Variants in ASIC2 observed in about 807,000 individuals in gnomAD.
ASIC2 encodes the protein acid-sensing ion channel 2.
In ASIC2, 25 loss-of-function variants were observed where a neutral mutation model predicts 57.3. That is an observed-to-expected ratio of 0.44 (90% CI 0.32 to 0.61). ASIC2 has a LOEUF of 0.61. Ranked by LOEUF, ASIC2 falls within the 20% of genes least tolerant of loss-of-function variation. The pLI is 0.06. For synonymous variants in ASIC2, 319 were observed against 307.5 expected, an observed-to-expected ratio of 1.04 and a Z score of -0.39; for missense variants, 641 against 738.1, an observed-to-expected ratio of 0.87 and a Z score of 1.52.
chr17:34,041,673 TCCC>T (rs906909387), intron 1 of ASIC2, among the ~76,000 whole-genome samples: 1 of 152,116 alleles, frequency 6.6e-6, no homozygotes, highest in Non-Finnish European at 1.5e-5. Flanking sequence ...AGTTAGTTCT[TCCC>T]CCCTCTCAGT....
chr17:33,773,655 TG>T (rs1243986242), intron 1 of ASIC2, among the ~76,000 whole-genome samples: 3 of 97,292 alleles, frequency 3.1e-5, no homozygotes, highest in African/African-American at 6.2e-5. Context: ...TTAGTCTCTC[TG>T]TTTTTTTTTT....
At chr17:33,592,627 G>A (rs565435551) in intron 1 of ASIC2, among the ~76,000 whole-genome samples, 10 of 152,332 alleles carry the variant, frequency 6.6e-5, no homozygotes, top group South Asian at 6.2e-4. Context: ...CTCTGTGTAC[G>A]TGGTGAGTAA....
At chr17:33,537,162 G>C (rs181902366) in intron 1 of ASIC2, among the ~76,000 whole-genome samples, 184 of 152,200 alleles carry the variant, frequency 1.2e-3, no homozygotes, top group African/African-American at 4.1e-3. Context: ...TTCTGACTCA[G>C]CCTCTGCCAC....
intron 1 of ASIC2, among the ~76,000 whole-genome samples, chr17:33,512,673 T>G (rs1914462263): frequency 6.6e-6 from 1 of 152,204 alleles, no homozygotes; most frequent in South Asian, 2.1e-4. Flanking sequence ...AGCTTGAAGC[T>G]GCTCCAGGCT....
At chr17:33,556,196 G>C (rs898987427) in intron 1 of ASIC2, among the ~76,000 whole-genome samples, 2 of 152,180 alleles carry the variant, frequency 1.3e-5, no homozygotes, top group African/African-American at 4.8e-5. Flanking sequence ...CCACCCTAAG[G>C]CTATCAACCC....
chr17:33,394,215 G>A (rs1909996641), intron 1 of ASIC2, among the ~76,000 whole-genome samples: 1 of 152,218 alleles, frequency 6.6e-6, no homozygotes, highest in Non-Finnish European at 1.5e-5. Context: ...TCATCCCTGG[G>A]GGAGCCCAGT....
intron 1 of ASIC2, among the ~76,000 whole-genome samples, chr17:34,034,990 T>C (rs1373108031): frequency 6.6e-6 from 1 of 151,878 alleles, no homozygotes; most frequent in Non-Finnish European, 1.5e-5. Flanking sequence ...AATGACTTTC[T>C]TCACAGAATT....
intron 1 of ASIC2, among the ~76,000 whole-genome samples, chr17:33,892,506 C>T (rs994032634): frequency 1.3e-4 from 20 of 152,146 alleles, no homozygotes; most frequent in African/African-American, 4.3e-4. Flanking sequence ...CTACTTTCTC[C>T]TTGAAATAAT....
intron 1 of ASIC2, among the ~76,000 whole-genome samples, chr17:33,737,417 G>T (rs564312874): frequency 6.6e-6 from 1 of 152,236 alleles, no homozygotes; most frequent in Non-Finnish European, 1.5e-5. Flanking sequence ...AGGACCTCCT[G>T]TCTCTTTCCT....
chr17:33,311,109 G>A (rs1229372807), intron 1 of ASIC2, among the ~76,000 whole-genome samples: 1 of 152,180 alleles, frequency 6.6e-6, no homozygotes, highest in Non-Finnish European at 1.5e-5. Context: ...GAAAGAGAAA[G>A]AGAGGGAGGC....
intron 1 of ASIC2, among the ~76,000 whole-genome samples, chr17:33,960,238 G>C (rs1904875845): frequency 6.6e-6 from 1 of 152,218 alleles, no homozygotes; most frequent in Non-Finnish European, 1.5e-5. Context: ...CTTCTCATGA[G>C]CAGAGCCTGA....
chr17:33,288,183 A>G (rs762304542), intron 1 of ASIC2, among the ~76,000 whole-genome samples: 4 of 152,096 alleles, frequency 2.6e-5, no homozygotes, highest in Non-Finnish European at 5.9e-5. Flanking sequence ...TGACATCTAA[A>G]CAGGGTGGAA....
At chr17:33,181,237 G>T (rs1181033050) in intron 1 of ASIC2, among the ~76,000 whole-genome samples, 1 of 152,116 alleles carries the variant, frequency 6.6e-6, no homozygotes, top group Non-Finnish European at 1.5e-5. Flanking sequence ...TCAGCACTTT[G>T]TTTTGTTGTG....
intron 1 of ASIC2, among the ~76,000 whole-genome samples, chr17:33,471,101 C>G (rs1465054198): frequency 6.6e-6 from 1 of 152,206 alleles, no homozygotes; most frequent in Non-Finnish European, 1.5e-5. Flanking sequence ...GTGTAATTCT[C>G]TCCAATACTC....
intron 1 of ASIC2, among the ~76,000 whole-genome samples, chr17:33,854,411 A>G (rs1913861079): frequency 6.6e-6 from 1 of 152,208 alleles, no homozygotes; most frequent in African/African-American, 2.4e-5. Flanking sequence ...ATCCATGTGC[A>G]TGTTTATGCA....
At chr17:33,952,764 AC>A (rs1181980795) in intron 1 of ASIC2, among the ~76,000 whole-genome samples, 1 of 152,202 alleles carries the variant, frequency 6.6e-6, no homozygotes. Context: ...AAAGTAAAAA[AC>A]ATCCTAATTA....
chr17:33,167,021 TG>T (rs1905330167), intron 1 of ASIC2, among the ~76,000 whole-genome samples: 2 of 152,204 alleles, frequency 1.3e-5, no homozygotes, highest in South Asian at 4.1e-4. Context: ...ATTGACAGAT[TG>T]TAACAATTAT....
At chr17:33,758,754 A>C (rs546784163) in intron 1 of ASIC2, among the ~76,000 whole-genome samples, 21 of 152,282 alleles carry the variant, frequency 1.4e-4, no homozygotes, top group African/African-American at 5.1e-4. Flanking sequence ...GTGCCGCCCC[A>C]GGACTCTGCA....
chr17:33,441,057 C>T lies in ASIC2; in HGVS notation c.556-328990G>A, dbSNP rs545244048. Among the ~76,000 whole-genome samples the T allele has an allele frequency of 1.4e-3, 206 of 152,252 alleles. No homozygotes were observed. In the Middle Eastern group the frequency reaches 0.014, roughly 10 times the overall value. On this transcript the variant is annotated intron_variant, in intron 1 of 9. Transcript: ENST00000359872. ...GATCACAGCTCACTGTAGGCTTGAC[C>T]TCCTGGGCTTGAGTGATCCTCCCAC... is the stretch of plus-strand genomic sequence containing the variant.
Sources: allele counts gnomAD v4.1 joint callset (sites outside exome capture counted in the v4.1 genomes callset), GRCh38; gene constraint gnomAD v4.1.1; transcripts MANE v1.5; gene names NCBI Gene and HGNC (gene_info 2026-07-23, HGNC 2026-07-21).